The following CACNA1E variants were observed in gnomAD, a reference collection of about 807,000 sequenced individuals.
The protein encoded by CACNA1E is voltage-dependent R-type calcium channel subunit alpha-1E.
Under a neutral mutation model 259.2 loss-of-function variants are expected in CACNA1E, and 40 were observed. That is an observed-to-expected ratio of 0.15 (90% CI 0.12 to 0.20). The LOEUF (loss-of-function observed/expected upper bound fraction) is 0.20. Among genes scored for constraint, CACNA1E ranks in the 10% least tolerant of loss-of-function variants. CACNA1E has a pLI of 1.00. For missense variants in CACNA1E, 1,874 were observed against 3,040.1 expected, an observed-to-expected ratio of 0.62 and a Z score of 9.02; for synonymous variants, 1,104 against 1,138.5, an observed-to-expected ratio of 0.97 and a Z score of 0.61.
chr1:181,751,912 C>A (rs1337300942), intron 26 of CACNA1E: 27 of 662,174 alleles, frequency 4.1e-5, no homozygotes, highest in Non-Finnish European at 7.2e-5. Flanking sequence ...TGTGTACGTG[C>A]ATGTGGATGT....
At chr1:181,329,416 C>A (rs1651057298) in intron 1 of CACNA1E, among the ~76,000 whole-genome samples, 2 of 152,154 alleles carry the variant, frequency 1.3e-5, no homozygotes, top group Admixed American at 6.5e-5. Context: ...AGATCTTAGC[C>A]ATGGTCTCTG....
chr1:181,696,964 T>C (rs1651769707), intron 7 of CACNA1E, among the ~76,000 whole-genome samples: 2 of 152,188 alleles, frequency 1.3e-5, no homozygotes, highest in African/African-American at 4.8e-5. Context: ...CTGCACATAA[T>C]AAGAATGTGA....
At position 181,716,297 on chromosome 1, in the gene CACNA1E, A is replaced by T. The variant is rs866126891; in HGVS notation, c.1315+168A>T. Among the ~76,000 whole-genome samples, 2,362 of 41,216 alleles carry T rather than the reference A, an allele frequency of 0.057. 38 individuals are homozygous for T. The highest frequency in any genetic ancestry group is 0.1 in the African/African-American group (1,885 of 18,934). The allele number at this position is 41,216 out of a possible 152,430, so 27.0% of individuals were successfully genotyped here. A position where few individuals can be genotyped will look rare whatever the true frequency, so the allele number is the denominator to read the frequency against. On this transcript the variant is annotated intron_variant, in intron 10 of 47. Transcript: ENST00000367573. Reference sequence around the variant, plus strand: ...GAATCTAGATTACAATGATTTATTTAAAAAAAAAAAAAAAAGGACCTGGGG... The same window carrying T: ...GAATCTAGATTACAATGATTTATTTTAAAAAAAAAAAAAAAGGACCTGGGG...
intron 1 of CACNA1E, among the ~76,000 whole-genome samples, chr1:181,510,041 CACAAGCATCGTT>C (rs1666033591): frequency 6.6e-6 from 1 of 152,214 alleles, no homozygotes; most frequent in Admixed American, 6.5e-5. Context: ...TGGATCTGTG[CACAAGCATCGTT>C]ACCCAGTTCA....
Position 181,437,264 on chromosome 1 carries a change from G to T in CACNA1E, c.434+23684G>T, listed in dbSNP as rs148796041. Among the ~76,000 whole-genome samples the T allele has an allele frequency of 5.5e-3, 838 of 152,092 alleles. 5 individuals carry two copies. The highest frequency in any genetic ancestry group is 8.5e-3 in the Non-Finnish European group (580 of 67,984). On this transcript the variant is annotated intron_variant, in intron 2 of 11. Coordinates refer to the CACNA1E transcript ENST00000524607. ...TTCTCTTTTAAAATTTTCCACATTTGCTCTTGATCTCATTCTTTCTTTTTT... is the reference window on the plus strand; with the variant it reads ...TTCTCTTTTAAAATTTTCCACATTTTCTCTTGATCTCATTCTTTCTTTTTT...
At chr1:181,364,864 T>C (rs1654151453) in intron 1 of CACNA1E, among the ~76,000 whole-genome samples, 1 of 152,166 alleles carries the variant, frequency 6.6e-6, no homozygotes, top group African/African-American at 2.4e-5. Flanking sequence ...GGTGCTTTGA[T>C]AGGAGTGGGC....
chr1:181,499,990 T>C (rs899136309), intron 1 of CACNA1E, among the ~76,000 whole-genome samples: 3 of 152,242 alleles, frequency 2.0e-5, no homozygotes, highest in Non-Finnish European at 2.9e-5. Context: ...AATTCTTATG[T>C]GTCACTGCAT....
In CACNA1E at chr1:181,483,786, C is replaced by G. The variant is rs750957309; in HGVS notation, c.42C>G (p.Ser14=). The change falls in exon 1 of 48, where the codon TCC becomes TCG. Residue 14 remains serine (S), a synonymous_variant. Coordinates refer to ENST00000367573, the MANE Select transcript of CACNA1E (RefSeq NM_001205293.3). The part of the protein sequence containing the change: ...FGEAVVARPG[S]GDGDSDQSRN... Reference sequence around the variant, plus strand: ...AGGCGGTGGTCGCCAGGCCAGGGTCCGGCGATGGAGACTCGGACCAGAGCA... The same window carrying G: ...AGGCGGTGGTCGCCAGGCCAGGGTCGGGCGATGGAGACTCGGACCAGAGCA... 8.7e-6 allele frequency: 14 copies of G among 1,610,994 alleles called. No individual in the cohort carries two copies. The South Asian group carries it at 1.5e-4, about 18-fold the overall frequency.
chr1:181,478,471 T>C (rs1663009166), intron 2 of CACNA1E, among the ~76,000 whole-genome samples: 1 of 152,240 alleles, frequency 6.6e-6, no homozygotes, highest in South Asian at 2.1e-4. Flanking sequence ...TTGCACATGG[T>C]CTCCTGCCAA....
At chr1:181,411,478 CT>C (rs893178902) in intron 1 of CACNA1E, among the ~76,000 whole-genome samples, 1 of 152,210 alleles carries the variant, frequency 6.6e-6, no homozygotes, top group Non-Finnish European at 1.5e-5. Flanking sequence ...TAAATCCTCT[CT>C]CATGCACATG....
At chr1:181,334,093 A>G (rs938908683) in intron 1 of CACNA1E, among the ~76,000 whole-genome samples, 1 of 152,148 alleles carries the variant, frequency 6.6e-6, no homozygotes, top group Admixed American at 6.5e-5. Flanking sequence ...CTTCTTTCCA[A>G]GATCATAAAT....
At chr1:181,443,288 C>T (rs1424929262) in intron 2 of CACNA1E, among the ~76,000 whole-genome samples, 1 of 152,238 alleles carries the variant, frequency 6.6e-6, no homozygotes, top group Non-Finnish European at 1.5e-5. Context: ...TCAGGCTTCT[C>T]AACCAAAGAT....
chr1:181,612,020 G>A (rs1353987313), intron 6 of CACNA1E, among the ~76,000 whole-genome samples: 1 of 152,202 alleles, frequency 6.6e-6, no homozygotes, highest in Non-Finnish European at 1.5e-5. Context: ...ATGCACCTAA[G>A]AGCAGAGACT....
chr1:181,449,669 C>T (rs1661020486), intron 2 of CACNA1E, among the ~76,000 whole-genome samples: 1 of 152,162 alleles, frequency 6.6e-6, no homozygotes, highest in Admixed American at 6.5e-5. Flanking sequence ...CCCAGGAGAG[C>T]AGACATCTGG....
intron 2 of CACNA1E, among the ~76,000 whole-genome samples, chr1:181,458,081 A>C (rs758326557): frequency 1.2e-4 from 19 of 152,186 alleles, no homozygotes; most frequent in Non-Finnish European, 1.8e-4. Flanking sequence ...TCCTGCCTTT[A>C]TAGCAGTTTT....
In CACNA1E at chr1:181,726,105, C is replaced by T; in HGVS notation, c.2183C>T (p.Ala728Val). The change falls in exon 18 of 48, where the codon GCA becomes GTA. Residue 728 changes from alanine (A) to valine (V), a missense_variant. Physicochemically the swap from Ala to Val is moderately conservative, Grantham distance 64. Transcript: ENST00000367573. ...EEEEAFNQKH[A>V]LQKAKEVSPM... The stretch of plus-strand genomic sequence containing the variant: ...GAAGAGGCCTTCAACCAGAAACATG[C>T]ACTGCAGAAGGCCAAGGAGGTCAGC... The T allele has an allele frequency of 6.2e-7, 1 of 1,613,122 alleles. No homozygotes were observed. The highest frequency in any genetic ancestry group is 8.5e-7 in the Non-Finnish European group (1 of 1,179,472).
At chr1:181,658,701 T>C (rs958526980) in intron 7 of CACNA1E, among the ~76,000 whole-genome samples, 4 of 152,336 alleles carry the variant, frequency 2.6e-5, no homozygotes, top group Middle Eastern at 3.4e-3. Flanking sequence ...GGATGGCAGA[T>C]GCCTTCTTAG....
intron 1 of CACNA1E, among the ~76,000 whole-genome samples, chr1:181,484,413 G>C (rs1026567847): frequency 6.6e-6 from 1 of 152,136 alleles, no homozygotes; most frequent in East Asian, 1.9e-4. Flanking sequence ...CACTCTGCCC[G>C]TATCCCCACC....
chr1:181,529,927 G>A (rs916299116), intron 3 of CACNA1E, among the ~76,000 whole-genome samples: 1 of 152,164 alleles, frequency 6.6e-6, no homozygotes, highest in Non-Finnish European at 1.5e-5. Context: ...CTAAGACTTT[G>A]GGGGACTGTT....
Sources: allele counts gnomAD v4.1 joint callset (sites outside exome capture counted in the v4.1 genomes callset), GRCh38; gene constraint gnomAD v4.1.1; transcripts MANE v1.5; gene names NCBI Gene and HGNC (gene_info 2026-07-23, HGNC 2026-07-21).